Variants in ABLIM3 observed in about 807,000 individuals in gnomAD.
ABLIM3 encodes the protein actin binding LIM protein family member 3.
A neutral mutation model predicts 109.5 loss-of-function variants in ABLIM3; 61 were observed. The ratio of observed to expected loss-of-function variants is 0.56; its 90% CI spans 0.45 to 0.69. The LOEUF (loss-of-function observed/expected upper bound fraction) is 0.69. Among genes scored for constraint, ABLIM3 ranks in the 30% least tolerant of loss-of-function variants. The pLI is 0.00. For missense variants in ABLIM3, 796 were observed against 889.5 expected (o/e 0.89, Z 1.34); for synonymous variants, 300 against 324.8 (o/e 0.92, Z 0.82).
rs968503867 is a variant in ABLIM3, at chr5:149,258,941, G to A, written c.*537G>A. On this transcript the variant is annotated 3_prime_UTR_variant, in exon 24 of 24. Transcript: ENST00000309868. ...CTCTTGGGGCAATGCAGTTAAAAGG[G>A]TGAGCCTCAAATCTAGTCATTACAC... The A allele has an allele frequency of 5.1e-6, 5 of 989,948 alleles. No individual in the cohort carries two copies. In the African/African-American group the frequency reaches 7.0e-5, roughly 14 times the overall value. The allele number at this position is 989,948 out of a possible 1,614,324, so 61.3% of individuals were successfully genotyped here. A position where few individuals can be genotyped will look rare whatever the true frequency, so the allele number is the denominator to read the frequency against.
chr5:149,209,339 G>T (rs953388329), intron 6 of ABLIM3, among the ~76,000 whole-genome samples: 2 of 152,202 alleles, frequency 1.3e-5, no homozygotes, highest in Non-Finnish European at 2.9e-5. Context: ...GGGCTCAGAG[G>T]CACTGGCTCA....
Position 149,247,763 on chromosome 5 carries a change from G to T in ABLIM3, c.1552-19G>T, listed in dbSNP as rs767438621. 2.7e-5 allele frequency: 44 copies of T among 1,614,048 alleles called. No individual in the cohort carries two copies. The highest frequency in any genetic ancestry group is 3.5e-5 in the Non-Finnish European group (41 of 1,180,050). ...TTTGTTTTCCTTCTAACTTTATCTT[G>T]CTCTTCCCCGACCCTCAGCTCCAAA... On this transcript the variant is annotated intron_variant, in intron 17 of 23. Transcript: ENST00000309868.
chr5:149,179,429 T>C (rs1756269684), intron 2 of ABLIM3, among the ~76,000 whole-genome samples: 1 of 152,214 alleles, frequency 6.6e-6, no homozygotes, highest in Non-Finnish European at 1.5e-5. Flanking sequence ...AAGTGTGTGA[T>C]TTCTTTAAAA....
At chr5:149,233,047 T>C (rs1032833421) in intron 9 of ABLIM3, among the ~76,000 whole-genome samples, 182 bp from the exon 10 acceptor site, 1 of 152,210 alleles carries the variant, frequency 6.6e-6, no homozygotes, top group Non-Finnish European at 1.5e-5. Context: ...AGTCCTTGCA[T>C]TTTTGGTCGC....
At chr5:149,241,064 C>A (rs149782145) in intron 14 of ABLIM3, among the ~76,000 whole-genome samples, 4 of 152,190 alleles carry the variant, frequency 2.6e-5, no homozygotes, top group Non-Finnish European at 5.9e-5. Flanking sequence ...CTGTGAGGGG[C>A]GCAGCAGGGG....
intron 8 of ABLIM3, among the ~76,000 whole-genome samples, chr5:149,224,182 A>T (rs990606093): frequency 1.3e-5 from 2 of 152,290 alleles, no homozygotes; most frequent in African/African-American, 4.8e-5. Flanking sequence ...ATTAGTTATA[A>T]TAGTAACAAT....
At chr5:149,233,322 C>T (rs1762046101) in intron 10 of ABLIM3, 22 bp downstream of exon 10, 7 of 1,610,774 alleles carry the variant, frequency 4.3e-6, no homozygotes, top group Admixed American at 1.7e-5. Flanking sequence ...TTTTCTACCA[C>T]CAAAGGGCCT....
intron 9 of ABLIM3, 132 bp from the exon 10 acceptor site, chr5:149,233,097 A>G (rs1453986061): frequency 1.3e-6 from 1 of 783,574 alleles, no homozygotes; most frequent in Admixed American, 2.2e-5. Context: ...AGAGAATAAA[A>G]AGGAAGTACA....
Position 149,259,737 on chromosome 5 carries a change from C to T in ABLIM3, c.*1333C>T. 1.3e-6 allele frequency: 1 copy of T among 795,298 alleles called. No individual in the cohort carries two copies. The highest frequency in any genetic ancestry group is 2.0e-6 in the Non-Finnish European group (1 of 501,680). The allele number at this position is 795,298 out of a possible 1,614,324, so 49.3% of individuals were successfully genotyped here. A position where few individuals can be genotyped will look rare whatever the true frequency, so the allele number is the denominator to read the frequency against. ...TGGGTAATGTTTGGTGGGGGCTGTT[C>T]CTTCTTGGAGAAGCCTTGAGTCGGA... On this transcript the variant is annotated 3_prime_UTR_variant, in exon 24 of 24. Coordinates refer to ENST00000309868, the MANE Select transcript of ABLIM3 (RefSeq NM_014945.5).
In ABLIM3 at chr5:149,226,300, A is replaced by C. The variant is rs530141265; in HGVS notation, c.758-4349A>C. Among the ~76,000 whole-genome samples the C allele has an allele frequency of 9.3e-4, 142 of 152,094 alleles. 1 individual carries two copies. Among genetic ancestry groups the C allele is most frequent in the Middle Eastern group, 3.4e-3 (1 of 294 alleles). On this transcript the variant is annotated intron_variant, in intron 8 of 23. Transcript: ENST00000309868. ...GGATATCGAGACCATCCTGGCTAAC[A>C]TGGTGAAACCCCGTATCTACTAAAA...
At chr5:149,168,935 G>A (rs1033392049) in intron 2 of ABLIM3, among the ~76,000 whole-genome samples, 2 of 152,144 alleles carry the variant, frequency 1.3e-5, no homozygotes, top group Admixed American at 1.3e-4. Flanking sequence ...GTAAGTCTGG[G>A]GTGGGGCCCA....
intron 7 of ABLIM3, 173 bp from the exon 8 acceptor site, chr5:149,216,786 C>T (rs1760132939): frequency 1.7e-6 from 1 of 599,338 alleles, no homozygotes; most frequent in Non-Finnish European, 3.0e-6. Context: ...AATCACGAAG[C>T]TTCCCGGCTG....
At chr5:149,253,161 C>A (rs1754106591) in intron 23 of ABLIM3, among the ~76,000 whole-genome samples, 1 of 152,150 alleles carries the variant, frequency 6.6e-6, no homozygotes, top group Admixed American at 6.5e-5. Flanking sequence ...GACAGTAAGT[C>A]CTCAACTAGG....
In ABLIM3 at chr5:149,207,118, G is replaced by T; in HGVS notation, c.559G>T (p.Gly187Trp). 1 of 1,613,584 alleles carries T rather than the reference G, an allele frequency of 6.2e-7. No individual in the cohort carries two copies. Among genetic ancestry groups the T allele is most frequent in the Non-Finnish European group, 8.5e-7 (1 of 1,179,758 alleles). The change falls in exon 6 of 24, where the codon GGG (glycine) becomes TGG (tryptophan). Residue 187 changes from glycine to tryptophan, a missense_variant. Coordinates refer to ENST00000309868, the MANE Select transcript of ABLIM3 (RefSeq NM_014945.5). ...CCAGACCTGCAGCGTCATCCTCACC[G>T]GGGAGTATATCAGCAAGTGGGTCCC... ...KCQTCSVILT[G>W]EYISKDGVPY...
intron 5 of ABLIM3, chr5:149,200,707 C>CATAATA (rs1245320768): frequency 4.3e-6 from 2 of 463,662 alleles, no homozygotes; most frequent in Non-Finnish European, 7.9e-6. Flanking sequence ...AGTTCCTGAT[C>CATAATA]TTATGTCCCA....
chr5:149,173,618 G>GCTGCGGCT (rs1170770412), intron 2 of ABLIM3, among the ~76,000 whole-genome samples: 2 of 152,162 alleles, frequency 1.3e-5, no homozygotes, highest in African/African-American at 4.8e-5. Context: ...CACTTTAGTC[G>GCTGCGGCT]CTGCGGCTCT....
chr5:149,170,905 A>T (rs546764447), intron 2 of ABLIM3, among the ~76,000 whole-genome samples: 2 of 151,846 alleles, frequency 1.3e-5, no homozygotes, highest in Non-Finnish European at 2.9e-5. Context: ...TTATGTCTTG[A>T]CTTCTTAGTC....
intron 2 of ABLIM3, among the ~76,000 whole-genome samples, chr5:149,151,169 G>A (rs1375899598): frequency 1.3e-5 from 2 of 152,122 alleles, no homozygotes; most frequent in African/African-American, 4.8e-5. Flanking sequence ...ATGTCTACTC[G>A]AGGCCTCTCC....
intron 2 of ABLIM3, among the ~76,000 whole-genome samples, chr5:149,169,249 CG>C (rs1203363090): frequency 2.0e-5 from 3 of 152,108 alleles, no homozygotes; most frequent in Non-Finnish European, 4.4e-5. Flanking sequence ...ATTTATTTGA[CG>C]TAACAGGAAA....
Sources: allele counts gnomAD v4.1 joint callset (sites outside exome capture counted in the v4.1 genomes callset), GRCh38; gene constraint gnomAD v4.1.1; transcripts MANE v1.5; gene names NCBI Gene and HGNC (gene_info 2026-07-23, HGNC 2026-07-21).